GOLM2: variants seen among roughly 807,000 people sequenced by gnomAD.
GOLM2 encodes golgi membrane protein 2.
In GOLM2, 26 loss-of-function variants were observed where a neutral mutation model predicts 55.9. The observed-to-expected ratio is 0.47, with a 90% CI of 0.34 to 0.65. The LOEUF (loss-of-function observed/expected upper bound fraction) is 0.65, where lower values mean the gene tolerates loss of function less well. Ranked by LOEUF, GOLM2 falls within the 30% of genes least tolerant of loss-of-function variation. GOLM2 has a pLI of 0.01. For synonymous variants in GOLM2, 165 were observed against 194.6 expected (o/e 0.85, Z 1.27); for missense variants, 486 against 531.8 (o/e 0.91, Z 0.85).
intron 2 of GOLM2, among the ~76,000 whole-genome samples, chr15:44,324,860 G>A (rs1259668921): frequency 6.6e-6 from 1 of 151,874 alleles, no homozygotes; most frequent in Non-Finnish European, 1.5e-5. Context: ...AACATAACTG[G>A]TGTTGCTTTC....
At chr15:44,363,236 T>C (rs1262485806) in intron 6 of GOLM2, among the ~76,000 whole-genome samples, 1 of 151,978 alleles carries the variant, frequency 6.6e-6, no homozygotes, top group East Asian at 1.9e-4. Flanking sequence ...CAAAAGAAAC[T>C]ACCATCAGAG....
intron 9 of GOLM2, among the ~76,000 whole-genome samples, chr15:44,409,091 C>T (rs2079617134): frequency 1.3e-5 from 2 of 151,700 alleles, no homozygotes; most frequent in African/African-American, 4.8e-5. Flanking sequence ...TCTTGGCTAA[C>T]AAGGTGAAAC....
chr15:44,351,863 C>T (rs1297092294), intron 6 of GOLM2, among the ~76,000 whole-genome samples: 2 of 151,814 alleles, frequency 1.3e-5, no homozygotes, highest in African/African-American at 4.8e-5. Context: ...TTAACTTTAC[C>T]AAAGAAATGA....
At chr15:44,381,236 A>G (rs1039105819) in intron 8 of GOLM2, among the ~76,000 whole-genome samples, 1 of 152,192 alleles carries the variant, frequency 6.6e-6, no homozygotes, top group African/African-American at 2.4e-5. Flanking sequence ...TTAAAAATAC[A>G]ATTAGTTCTT....
chr15:44,378,412 CAGT>C (rs2079379439), intron 6 of GOLM2, among the ~76,000 whole-genome samples: 1 of 148,216 alleles, frequency 6.7e-6, no homozygotes, highest in East Asian at 2.0e-4. Flanking sequence ...GGCCGCAGTG[CAGT>C]GGCCTGATCT....
chr15:44,392,947 C>G (rs1020174138), intron 8 of GOLM2, among the ~76,000 whole-genome samples: 2 of 152,118 alleles, frequency 1.3e-5, no homozygotes, highest in Admixed American at 6.6e-5. Flanking sequence ...GATTAATTCT[C>G]AAAAACCTTC....
intron 1 of GOLM2, among the ~76,000 whole-genome samples, chr15:44,297,171 A>G (rs1178725576): frequency 6.6e-6 from 1 of 152,228 alleles, no homozygotes; most frequent in African/African-American, 2.4e-5. Context: ...GAATTAAAAA[A>G]AACGTCATTC....
intron 1 of GOLM2, among the ~76,000 whole-genome samples, chr15:44,319,498 G>C (rs1415265909): frequency 6.6e-6 from 1 of 152,156 alleles, no homozygotes; most frequent in Non-Finnish European, 1.5e-5. Flanking sequence ...GGGATTATAG[G>C]CATGAGCCAC....
intron 8 of GOLM2, among the ~76,000 whole-genome samples, chr15:44,395,754 C>T (rs970768010): frequency 1.3e-5 from 2 of 151,984 alleles, no homozygotes; most frequent in South Asian, 2.1e-4. Flanking sequence ...GCAGGAGAAT[C>T]GCTTGAACCC....
chr15:44,413,475 A>T lies in GOLM2; in HGVS notation c.*69A>T. 8.4e-7 allele frequency: 1 copy of T among 1,190,238 alleles called. No individual in the cohort carries two copies. Among genetic ancestry groups the T allele is most frequent in the Non-Finnish European group, 1.2e-6 (1 of 815,208 alleles). The allele number at this position is 1,190,238 out of a possible 1,614,324, so 73.7% of individuals were successfully genotyped here. A position where few individuals can be genotyped will look rare whatever the true frequency, so the allele number is the denominator to read the frequency against. ...AAATCATTCTACTTTGTCCTTTCTG[A>T]CTTTTGTTGTAAAGACGAATTGTAT... On this transcript the variant is annotated 3_prime_UTR_variant, in exon 10 of 10. Coordinates refer to ENST00000299957, the MANE Select transcript of GOLM2 (RefSeq NM_138423.4).
chr15:44,301,367 C>G (rs1210725200), intron 1 of GOLM2, among the ~76,000 whole-genome samples: 2 of 152,212 alleles, frequency 1.3e-5, no homozygotes, highest in African/African-American at 4.8e-5. Context: ...GTTATCCTAT[C>G]ATTTTCCCAC....
chr15:44,355,613 T>G (rs1441967155), intron 6 of GOLM2: 1 of 197,284 alleles, frequency 5.1e-6, no homozygotes, highest in Non-Finnish European at 1.1e-5. Context: ...TTTGTGAAGT[T>G]AATTTCCTGG....
At chr15:44,349,088 C>T (rs976302295) in intron 6 of GOLM2, among the ~76,000 whole-genome samples, 13 of 151,688 alleles carry the variant, frequency 8.6e-5, no homozygotes, top group African/African-American at 2.2e-4. Flanking sequence ...GGAGAAACCC[C>T]GTCTCTACTA....
In GOLM2 at chr15:44,332,048, G is replaced by T. The variant is rs763576231; in HGVS notation, c.546G>T (p.Lys182Asn). Reference protein sequence around the residue: ...LRAQHEENIKKLADQFLEEQK... With the variant: ...LRAQHEENIKNLADQFLEEQK... ...CACAGCATGAAGAAAATATTAAAAA[G>T]TTAGCAGACCAGTTTTTAGAGGAAC... The change falls in exon 4 of 10, where the codon AAG (lysine) becomes AAT (asparagine). Residue 182 changes from lysine (K) to asparagine (N), a missense_variant. Coordinates refer to ENST00000299957, the MANE Select transcript of GOLM2 (RefSeq NM_138423.4). 5 of 1,598,716 alleles carry T rather than the reference G, an allele frequency of 3.1e-6. No individual in the cohort carries two copies. The African/African-American group carries it at 6.7e-5, about 21-fold the overall frequency.
intron 6 of GOLM2, among the ~76,000 whole-genome samples, chr15:44,339,962 G>A (rs1054988277): frequency 6.6e-6 from 1 of 151,726 alleles, no homozygotes; most frequent in African/African-American, 2.4e-5. Context: ...AGGAACTACA[G>A]GCATGTGCCA....
At position 44,392,318 on chromosome 15, in the gene GOLM2, A is replaced by G. The variant is rs369031396; in HGVS notation, c.1073-10569A>G. ...AATTATAGCAGTTTCTCTTATTAAT[A>G]TAGATATAAAAATCCTAAACAAGGC... On this transcript the variant is annotated intron_variant, in intron 8 of 9. Coordinates refer to ENST00000299957, the MANE Select transcript of GOLM2 (RefSeq NM_138423.4). 2.2e-4 allele frequency among the ~76,000 whole-genome samples: 34 copies of G among 152,184 alleles called. No individual in the cohort carries two copies. In the East Asian group the frequency reaches 4.2e-3, roughly 19 times the overall value.
chr15:44,334,027 TC>T (rs2079040792), intron 4 of GOLM2, among the ~76,000 whole-genome samples: 1 of 152,226 alleles, frequency 6.6e-6, no homozygotes, highest in African/African-American at 2.4e-5. Context: ...TCTCTTCTAT[TC>T]TCTTAAGGAA....
intron 9 of GOLM2, among the ~76,000 whole-genome samples, chr15:44,408,078 C>A (rs1330515227): frequency 6.6e-6 from 1 of 152,082 alleles, no homozygotes; most frequent in African/African-American, 2.4e-5. Flanking sequence ...TGGAGGTGGC[C>A]TTTCTTGACT....
At chr15:44,378,071 C>T (rs915376421) in intron 6 of GOLM2, among the ~76,000 whole-genome samples, 49 of 148,176 alleles carry the variant, frequency 3.3e-4, no homozygotes, top group African/African-American at 7.5e-4. Flanking sequence ...TTTTTTGAGA[C>T]GGAGTCTTGC....
Sources: gnomAD v4.1 joint callset for allele counts (sites outside exome capture counted in the v4.1 genomes callset) on GRCh38, gnomAD v4.1.1 for gene constraint, MANE v1.5 for transcripts, NCBI Gene and HGNC (gene_info 2026-07-23, HGNC 2026-07-21) for gene names.